Variants in RBM48 observed in about 807,000 individuals in gnomAD.
RBM48 encodes RNA binding motif protein 48.
A neutral mutation model predicts 34.8 loss-of-function variants in RBM48; 32 were observed. The ratio of observed to expected loss-of-function variants is 0.92; its 90% CI spans 0.69 to 1.23. RBM48 has a LOEUF of 1.23. Ranked by LOEUF, RBM48 falls within the 50% of genes most tolerant of loss-of-function variation. The pLI, the probability that RBM48 is intolerant of heterozygous loss-of-function variation, is 0.00. For missense variants in RBM48, 441 were observed against 447.2 expected, an observed-to-expected ratio of 0.99 and a Z score of 0.12; for synonymous variants, 151 against 156.2, an observed-to-expected ratio of 0.97 and a Z score of 0.25.
rs1316978192 is a variant in RBM48, at chr7:92,528,902, G to C, written c.89G>C (p.Gly30Ala). The part of the protein sequence containing the change: ...VCDTRAKYRE[G>A]RRPRAVKVYT... ...GACACACGGGCCAAATATCGAGAGG[G>C]ACGACGGCCTCGTGCTGTGAAGGTA... The change falls in exon 1 of 5, where the codon GGA becomes GCA. Residue 30 changes from glycine (G) to alanine (A), a missense_variant. Transcript: ENST00000265732. The C allele has an allele frequency of 1.9e-6, 3 of 1,614,020 alleles. No homozygotes were observed. The highest frequency in any genetic ancestry group is 2.5e-6 in the Non-Finnish European group (3 of 1,179,912).
At chr7:92,531,361 TA>T (rs1793571868) in intron 2 of RBM48, among the ~76,000 whole-genome samples, 1 of 152,236 alleles carries the variant, frequency 6.6e-6, no homozygotes, top group African/African-American at 2.4e-5. Flanking sequence ...CTATGTGACA[TA>T]ATCCTCTGCT....
intron 3 of RBM48, among the ~76,000 whole-genome samples, chr7:92,533,997 A>G (rs1031118125): frequency 2.6e-5 from 4 of 151,086 alleles, no homozygotes; most frequent in African/African-American, 7.3e-5. Context: ...AAACCTTTCT[A>G]TATAATGATG....
rs377374922 is a variant in RBM48, at chr7:92,534,378, C to T, written c.449-24C>T. 4.6e-5 allele frequency: 73 copies of T among 1,589,532 alleles called. No individual in the cohort carries two copies. The African/African-American group carries it at 9.0e-4, about 19-fold the overall frequency. On this transcript the variant is annotated intron_variant, in intron 3 of 4. Transcript: ENST00000265732. Reference sequence around the variant, plus strand: ...AAACCACTTCTGTTTCCCTTTCCCTCAACTTTTAAATTGTAATATAAAGAC... The same window carrying T: ...AAACCACTTCTGTTTCCCTTTCCCTTAACTTTTAAATTGTAATATAAAGAC...
chr7:92,533,294 G>A, intron 3 of RBM48, among the ~76,000 whole-genome samples: 1 of 152,112 alleles, frequency 6.6e-6, no homozygotes, highest in East Asian at 1.9e-4. Context: ...GTGTGGCAAA[G>A]GAAATTATAA....
At chr7:92,536,706 G>A (rs1793720692) in intron 4 of RBM48, 145 bp from the exon 5 acceptor site, 1 of 1,362,302 alleles carries the variant, frequency 7.3e-7, no homozygotes, top group Non-Finnish European at 9.5e-7. Context: ...TAGGTCATAG[G>A]CTGTACCTTG....
rs1014370206 is a variant in RBM48 at position 92,538,872 on chromosome 7, T to G, written c.*1935T>G. Among the ~76,000 whole-genome samples the G allele has an allele frequency of 2.0e-5, 3 of 152,192 alleles. No individual in the cohort carries two copies. The highest frequency in any genetic ancestry group is 6.5e-5 in the Admixed American group (1 of 15,278). ...ACAGTTAAGGAGAGGAGCTGCTAAA[T>G]GGGTCGTGTGTTTCTGAATGGGTTC... On this transcript the variant is annotated 3_prime_UTR_variant, in exon 5 of 5. Coordinates refer to ENST00000265732, the MANE Select transcript of RBM48 (RefSeq NM_032120.4).
chr7:92,529,742 C>T, intron 2 of RBM48, 76 bp downstream of exon 2: 1 of 928,598 alleles, frequency 1.1e-6, no homozygotes, highest in Non-Finnish European at 1.6e-6. Context: ...CCCCAAGTTT[C>T]CCTCATTCAT....
In RBM48 at chr7:92,536,831, T is replaced by C; in HGVS notation, c.1018-20T>C. The C allele has an allele frequency of 6.4e-7, 1 of 1,561,554 alleles. No individual in the cohort carries two copies. The highest frequency in any genetic ancestry group is 8.6e-7 in the Non-Finnish European group (1 of 1,159,952). On this transcript the variant is annotated intron_variant, in intron 4 of 4. Transcript: ENST00000265732. ...GCTATAGAAACTAAGTTTTAATGGT[T>C]CTTTTTTTTTTTTAATTAGGTAATT... is the stretch of plus-strand genomic sequence containing the variant.
At position 92,534,750 on chromosome 7, in the gene RBM48, C is replaced by T. The variant is rs369894722; in HGVS notation, c.797C>T (p.Thr266Met). The T allele has an allele frequency of 6.8e-5, 109 of 1,613,998 alleles. No individual in the cohort carries two copies. Among genetic ancestry groups the T allele is most frequent in the Non-Finnish European group, 8.6e-5 (101 of 1,180,022 alleles). The change falls in exon 4 of 5, where the codon ACG becomes ATG. Residue 266 changes from threonine to methionine, a missense_variant. Coordinates refer to ENST00000265732, the MANE Select transcript of RBM48 (RefSeq NM_032120.4). The stretch of plus-strand genomic sequence containing the variant: ...TGCCCTGGTGCACAAAAGGCTATTA[C>T]GTCTTCAGAGGCAGTTGACAGATTT... The part of the protein sequence containing the change: ...VACPGAQKAI[T>M]SSEAVDRFMP...
In RBM48 at chr7:92,528,873, A is replaced by G; in HGVS notation, c.60A>G (p.Val20=). ...SLFDHHVQRA[V]CDTRAKYREG... is the part of the protein sequence containing the mutation. ...TTGATCACCACGTCCAGAGGGCGGT[A>G]TGCGACACACGGGCCAAATATCGAG... Residue 20 remains valine (V), a synonymous_variant, in exon 1 of 5, where the codon GTA becomes GTG. Coordinates refer to ENST00000265732, the MANE Select transcript of RBM48 (RefSeq NM_032120.4). The G allele has an allele frequency of 1.9e-6, 3 of 1,614,170 alleles. No individual in the cohort carries two copies. The highest frequency in any genetic ancestry group is 2.5e-6 in the Non-Finnish European group (3 of 1,180,024).
Position 92,534,942 on chromosome 7 carries a change from C to G in RBM48, c.989C>G (p.Ala330Gly). ...CACGATGACTCATTGAATACAACGG[C>G]GAATTTAATTCGGCATAAACTTAAA... is the stretch of plus-strand genomic sequence containing the variant. The part of the protein sequence containing the change: ...DMHDDSLNTT[A>G]NLIRHKLKEV... The change falls in exon 4 of 5, where the codon GCG becomes GGG. Residue 330 changes from alanine to glycine, a missense_variant. Ala to Gly is a moderately conservative substitution (Grantham distance 60). Coordinates refer to ENST00000265732, the MANE Select transcript of RBM48 (RefSeq NM_032120.4). 1 of 1,614,000 alleles carries G rather than the reference C, an allele frequency of 6.2e-7. No individual in the cohort carries two copies. Among genetic ancestry groups the G allele is most frequent in the Non-Finnish European group, 8.5e-7 (1 of 1,179,982 alleles).
Position 92,528,810 on chromosome 7 carries a change from C to G in RBM48, c.-4C>G, listed in dbSNP as rs374483069. On this transcript the variant is annotated 5_prime_UTR_variant, in exon 1 of 5. Transcript: ENST00000265732. The stretch of plus-strand genomic sequence containing the variant: ...TCCTCCCTGCGAGGATCAAAGTAGG[C>G]AAGATGGCGTCGAGCGGCGGGGAGC... 2.4e-5 allele frequency: 39 copies of G among 1,612,788 alleles called. 1 individual carries two copies. In the African/African-American group the frequency reaches 3.9e-4, roughly 16 times the overall value.
At chr7:92,529,448 AC>A in intron 1 of RBM48, 27 bp from the exon 2 acceptor site, 1 of 1,419,422 alleles carries the variant, frequency 7.0e-7, no homozygotes, top group South Asian at 1.3e-5. Flanking sequence ...TTTGCGAAAT[AC>A]GTTTAATAAC....
At chr7:92,533,322 A>C (rs551643354) in intron 3 of RBM48, among the ~76,000 whole-genome samples, 2 of 152,222 alleles carry the variant, frequency 1.3e-5, no homozygotes, top group African/African-American at 4.8e-5. Flanking sequence ...ATGTGGAGAA[A>C]GACCTTTGAC....
chr7:92,535,526 T>A, intron 4 of RBM48: 1 of 985,788 alleles, frequency 1.0e-6, no homozygotes, highest in Non-Finnish European at 1.2e-6. Flanking sequence ...TTTTTTAATG[T>A]CATTTACATA....
intron 1 of RBM48, 64 bp downstream of exon 1, chr7:92,528,988 A>G (rs1240685860): frequency 8.4e-7 from 1 of 1,185,094 alleles, no homozygotes; most frequent in Non-Finnish European, 1.2e-6. Context: ...GCGCCATATG[A>G]CCAGCCTACG....
At position 92,528,810 on chromosome 7, in the gene RBM48, C is replaced by A. The variant is rs374483069; in HGVS notation, c.-4C>A. On this transcript the variant is annotated 5_prime_UTR_variant, in exon 1 of 5. Transcript: ENST00000265732. Reference sequence around the variant, plus strand: ...TCCTCCCTGCGAGGATCAAAGTAGGCAAGATGGCGTCGAGCGGCGGGGAGC... The same window carrying A: ...TCCTCCCTGCGAGGATCAAAGTAGGAAAGATGGCGTCGAGCGGCGGGGAGC... 5 of 1,612,666 alleles carry A rather than the reference C, an allele frequency of 3.1e-6. No individual in the cohort carries two copies. In the South Asian group the frequency reaches 5.5e-5, roughly 18 times the overall value.
Position 92,532,560 on chromosome 7 carries a change from C to T in RBM48, c.448+11C>T, listed in dbSNP as rs753709797. 2 of 1,598,274 alleles carry T rather than the reference C, an allele frequency of 1.3e-6. No homozygotes were observed. Among genetic ancestry groups the T allele is most frequent in the South Asian group, 1.1e-5 (1 of 89,790 alleles). ...CTACTGAAAATAAAGGTATGGAAAG[C>T]ATATTGCTAAATGCCTCCTGTGTGT... On this transcript the variant is annotated intron_variant, in intron 3 of 4. Coordinates refer to ENST00000265732, the MANE Select transcript of RBM48 (RefSeq NM_032120.4).
At position 92,536,868 on chromosome 7, in the gene RBM48, A is replaced by G. The variant is rs1444532295; in HGVS notation, c.1035A>G (p.Pro345=). The G allele has an allele frequency of 3.1e-6, 5 of 1,603,042 alleles. No individual in the cohort carries two copies. The African/African-American group carries it at 6.7e-5, about 22-fold the overall frequency. Residue 345 remains proline, a synonymous_variant, in exon 5 of 5, where the codon CCA becomes CCG. Transcript: ENST00000265732. ...TTAATTAGGTAATTTCATCTGTGCCAAAGCCTCCAGAGGACAAGCCAGAAG... is the reference window on the plus strand; with the variant it reads ...TTAATTAGGTAATTTCATCTGTGCCGAAGCCTCCAGAGGACAAGCCAGAAG... ...HKLKEVISSV[P]KPPEDKPEDV... is the part of the protein sequence containing the mutation.
Sources: allele counts gnomAD v4.1 joint callset (sites outside exome capture counted in the v4.1 genomes callset), GRCh38; gene constraint gnomAD v4.1.1; transcripts MANE v1.5; gene names NCBI Gene and HGNC (gene_info 2026-07-23, HGNC 2026-07-21).